PLSCR2: variants seen among roughly 807,000 people sequenced by gnomAD.
The protein encoded by PLSCR2 is PL scramblase 2.
PLSCR2 carries 18 observed loss-of-function variants against 25.3 expected under a neutral mutation model. That is an observed-to-expected ratio of 0.71 (90% CI 0.49 to 1.06). PLSCR2 has a LOEUF of 1.06. PLSCR2 is among the 50% of genes least tolerant of loss of function. The probability of loss-of-function intolerance (pLI) is 0.00; values close to 1 mark genes in which losing one functional copy is unlikely to be tolerated. For synonymous variants in PLSCR2, 88 were observed against 87.3 expected (o/e 1.01, Z -0.04); for missense variants, 243 against 269.5 (o/e 0.90, Z 0.69).
intron 2 of PLSCR2, among the ~76,000 whole-genome samples, chr3:146,410,222 C>T (rs1301960462): frequency 1.3e-5 from 2 of 152,002 alleles, no homozygotes; most frequent in Non-Finnish European, 2.9e-5. Context: ...CTTGGATCAT[C>T]CTTAAGATGA....
chr3:146,414,980 A>T (rs554219175), intron 2 of PLSCR2: 1 of 152,714 alleles, frequency 6.5e-6, no homozygotes, highest in South Asian at 2.1e-4. Context: ...TCATTATCTA[A>T]GGACCTTCTA....
chr3:146,437,736 T>G (rs536776779), downstream of PLSCR2, among the ~76,000 whole-genome samples: 1 of 152,176 alleles, frequency 6.6e-6, no homozygotes, highest in African/African-American at 2.4e-5. Context: ...CCTGGATTCA[T>G]TAATTTTTTT....
chr3:146,404,114 A>T (rs2038569611), intron 2 of PLSCR2, among the ~76,000 whole-genome samples: 2 of 152,158 alleles, frequency 1.3e-5, no homozygotes, highest in Non-Finnish European at 2.9e-5. Context: ...AGCAGTAGGG[A>T]CCACATGCAT....
chr3:146,446,677 A>G (rs2040572040), intron 6 of PLSCR2, among the ~76,000 whole-genome samples: 1 of 152,170 alleles, frequency 6.6e-6, no homozygotes, highest in South Asian at 2.1e-4. Flanking sequence ...ATGTTCACTC[A>G]AGTCCCAAGA....
chr3:146,418,702 C>T (rs1576587886), intron 2 of PLSCR2, among the ~76,000 whole-genome samples: 3 of 152,158 alleles, frequency 2.0e-5, no homozygotes, highest in African/African-American at 7.2e-5. Context: ...AATCATTCTT[C>T]ATTTTTCTTA....
intron 4 of PLSCR2, 48 bp from the exon 5 acceptor site, chr3:146,454,211 AT>A: frequency 7.9e-7 from 1 of 1,265,126 alleles, no homozygotes; most frequent in East Asian, 2.6e-5. Context: ...CATAATAAAA[AT>A]ATCTAATAAT....
At chr3:146,486,811 T>C (rs1477261835) in intron 1 of PLSCR2, among the ~76,000 whole-genome samples, 3 of 152,132 alleles carry the variant, frequency 2.0e-5, no homozygotes, top group African/African-American at 4.8e-5. Context: ...CCTTAATTCA[T>C]TTTAGGAGGC....
chr3:146,488,499 T>C, intron 1 of PLSCR2, among the ~76,000 whole-genome samples: 1 of 151,706 alleles, frequency 6.6e-6, no homozygotes, highest in East Asian at 1.9e-4. Flanking sequence ...ACCAACCCCA[T>C]CAAAAAGTGG....
chr3:146,461,524 T>C (rs1343044405), upstream of PLSCR2, among the ~76,000 whole-genome samples: 41 of 152,104 alleles, frequency 2.7e-4, no homozygotes, highest in Admixed American at 2.7e-3. Context: ...CATATTGGTA[T>C]GATGGGGAAA....
chr3:146,399,816 C>G (rs556011131), intron 2 of PLSCR2, among the ~76,000 whole-genome samples: 25 of 150,860 alleles, frequency 1.7e-4, no homozygotes, highest in African/African-American at 5.8e-4. Flanking sequence ...TTCTTTCCTT[C>G]CTTCCTTCCT....
downstream of PLSCR2, among the ~76,000 whole-genome samples, chr3:146,438,922 C>A (rs1413521135): frequency 6.6e-6 from 1 of 152,150 alleles, no homozygotes; most frequent in African/African-American, 2.4e-5. Flanking sequence ...CCGGTTGTTC[C>A]TTTCAATGTT....
chr3:146,410,312 T>C (rs929009878), intron 2 of PLSCR2, among the ~76,000 whole-genome samples: 1 of 152,168 alleles, frequency 6.6e-6, no homozygotes, highest in African/African-American at 2.4e-5. Flanking sequence ...CACAGTGTTC[T>C]ATTTAAGGGC....
At chr3:146,486,327 C>G (rs971655031) in intron 1 of PLSCR2, among the ~76,000 whole-genome samples, 3 of 148,916 alleles carry the variant, frequency 2.0e-5, no homozygotes, top group African/African-American at 4.9e-5. Context: ...CAGAGTGGAA[C>G]TGAAGGAGAC....
At chr3:146,441,068 T>C (rs1475872373), downstream of PLSCR2, among the ~76,000 whole-genome samples, 1 of 152,106 alleles carries the variant, frequency 6.6e-6, no homozygotes, top group Non-Finnish European at 1.5e-5. Flanking sequence ...TCTTTCTTTA[T>C]TTACTGAAAA....
At chr3:146,494,096 G>T (rs755768080) in intron 1 of PLSCR2, among the ~76,000 whole-genome samples, 4 of 152,034 alleles carry the variant, frequency 2.6e-5, no homozygotes, top group Non-Finnish European at 4.4e-5. Context: ...CATTTTTTAA[G>T]ATGACCTTTA....
intron 2 of PLSCR2, among the ~76,000 whole-genome samples, chr3:146,402,992 A>T (rs2108006129): frequency 6.6e-6 from 1 of 152,334 alleles, no homozygotes; most frequent in Middle Eastern, 3.4e-3. Flanking sequence ...GAAATTATGT[A>T]TACATGGCAC....
At chr3:146,427,075 T>A (rs1183780139) in intron 2 of PLSCR2, among the ~76,000 whole-genome samples, 2 of 152,244 alleles carry the variant, frequency 1.3e-5, no homozygotes, top group African/African-American at 4.8e-5. Flanking sequence ...GACATTTTAT[T>A]TAAACAACTG....
At chr3:146,400,389 G>A (rs539427047) in intron 2 of PLSCR2, among the ~76,000 whole-genome samples, 9 of 151,366 alleles carry the variant, frequency 5.9e-5, no homozygotes, top group Admixed American at 2.6e-4. Flanking sequence ...ATTTATAATT[G>A]TATCTAGAAA....
chr3:146,426,713 T>C (rs1224000325), intron 2 of PLSCR2, among the ~76,000 whole-genome samples: 1 of 152,190 alleles, frequency 6.6e-6, no homozygotes, highest in Non-Finnish European at 1.5e-5. Context: ...TAAAGATTAA[T>C]TTAAAAATAT....
Sources: allele counts gnomAD v4.1 joint callset (sites outside exome capture counted in the v4.1 genomes callset), GRCh38; gene constraint gnomAD v4.1.1; transcripts MANE v1.5; gene names NCBI Gene and HGNC (gene_info 2026-07-23, HGNC 2026-07-21).